The following CFAP43 variants were observed in gnomAD, a reference collection of about 807,000 sequenced individuals.
CFAP43 encodes the protein cilia and flagella associated protein 43, also known as cilia- and flagella-associated protein 43.
A neutral mutation model predicts 218.9 loss-of-function variants in CFAP43; 155 were observed. That is an observed-to-expected ratio of 0.71 (90% CI 0.62 to 0.81). The LOEUF (loss-of-function observed/expected upper bound fraction) is 0.81, where lower values mean the gene tolerates loss of function less well. Ranked by LOEUF, CFAP43 falls within the 30% of genes least tolerant of loss-of-function variation. The pLI, the probability that CFAP43 is intolerant of heterozygous loss-of-function variation, is 0.00. For missense variants in CFAP43, 1,778 were observed against 1,954.3 expected (o/e 0.91, Z 1.70); for synonymous variants, 645 against 681.3 (o/e 0.95, Z 0.83).
intron 34 of CFAP43, among the ~76,000 whole-genome samples, chr10:104,138,287 G>A (rs1320283206): frequency 6.6e-6 from 1 of 152,116 alleles, no homozygotes; most frequent in Non-Finnish European, 1.5e-5. Context: ...ACAGTTGAGG[G>A]ACATTCCACA....
Position 104,232,254 on chromosome 10 carries a change from GT to G in CFAP43, c.-9del. 6.2e-7 allele frequency: 1 copy of G among 1,600,772 alleles called. No homozygotes were observed. On this transcript the variant is annotated 5_prime_UTR_variant, in exon 1 of 38. Coordinates refer to ENST00000357060, the MANE Select transcript of CFAP43 (RefSeq NM_025145.7). ...CTCCCGGCCTTGCGCCATGGGCAGT[GT>G]TTTCCTCAGGCGGGAGCAGGCAGCG...
At position 104,132,194 on chromosome 10, in the gene CFAP43, G is replaced by T. The variant is rs1304394339; in HGVS notation, c.4599C>A (p.Tyr1533Ter). The T allele has an allele frequency of 7.0e-6, 11 of 1,581,900 alleles. No individual in the cohort carries two copies. Among genetic ancestry groups the T allele is most frequent in the African/African-American group, 1.4e-5 (1 of 73,466 alleles). The change falls in exon 36 of 38, where the codon TAC (tyrosine) becomes TAA (stop). Residue 1533 changes from tyrosine to a stop codon, truncating the protein, a stop_gained and splice_region_variant. Transcript: ENST00000357060. LOFTEE classifies it high-confidence loss of function. ...GAGCCTCATAGTTTGGTTCATTTAG[G>T]TACTTTGAGATTAAAAAAAAACATG... ...MLFFSRDRQK[Y>*]LNEPNYEALI...
intron 19 of CFAP43, among the ~76,000 whole-genome samples, chr10:104,174,459 G>A (rs987695410): frequency 2.6e-5 from 4 of 152,126 alleles, no homozygotes; most frequent in Admixed American, 2.6e-4. Context: ...GCATAAGAAA[G>A]ACCCGCCCCC....
At chr10:104,167,494 CAAGA>C (rs942677171) in intron 22 of CFAP43, 123 bp downstream of exon 22, 9 of 605,274 alleles carry the variant, frequency 1.5e-5, no homozygotes, top group Non-Finnish European at 2.3e-5. Context: ...TACAAATTAA[CAAGA>C]AATAAAAATA....
Position 104,167,666 on chromosome 10 carries a change from C to CA in CFAP43, c.2762dup (p.Leu921PhefsTer11). The CA allele has an allele frequency of 6.2e-7, 1 of 1,612,328 alleles. No homozygotes were observed. The highest frequency in any genetic ancestry group is 8.5e-7 in the Non-Finnish European group (1 of 1,179,510). On this transcript the variant is annotated frameshift_variant, in exon 22 of 38. Coordinates refer to ENST00000357060, the MANE Select transcript of CFAP43 (RefSeq NM_025145.7). LOFTEE classifies it high-confidence loss of function. ...TCTTCTTTTGCTGTAAAACTCTTTC[C>CA]AATTCTTTCAGCTCTTCAACCGTGC...
intron 23 of CFAP43, among the ~76,000 whole-genome samples, chr10:104,164,651 G>A (rs923436476): frequency 1.3e-5 from 2 of 152,146 alleles, no homozygotes; most frequent in Non-Finnish European, 2.9e-5. Flanking sequence ...ACCTGCCTCG[G>A]CCTCCCAAAG....
intron 29 of CFAP43, among the ~76,000 whole-genome samples, chr10:104,147,286 G>C (rs1268085291): frequency 6.6e-6 from 1 of 151,306 alleles, no homozygotes; most frequent in Non-Finnish European, 1.5e-5. Flanking sequence ...TAGGCTCTTA[G>C]AAAAAAGTTC....
At chr10:104,182,589 C>T in intron 16 of CFAP43, 76 bp from the exon 17 acceptor site, 1 of 1,344,856 alleles carries the variant, frequency 7.4e-7, no homozygotes. Flanking sequence ...GTATTATTTT[C>T]AGGTAACTAA....
rs1005298256 is a variant in CFAP43 at position 104,133,732 on chromosome 10, T to C, written c.4484A>G (p.Lys1495Arg). ...TTCCCACTCAATCTGAAGTATTCTT[T>C]TGTGTACATCTTTACTTTCCATCAT... ...ASMMESKDVH[K>R]RILQIEWEHK... The change falls in exon 35 of 38, where the codon AAA becomes AGA. Residue 1495 changes from lysine (K) to arginine (R), a missense_variant. Around this residue, in one of 3 missense-constraint regions of CFAP43, gnomAD observed 211 missense variants for 230.6 expected, o/e 0.91. Coordinates refer to ENST00000357060, the MANE Select transcript of CFAP43 (RefSeq NM_025145.7). The C allele has an allele frequency of 1.2e-6, 2 of 1,613,588 alleles. No individual in the cohort carries two copies. The highest frequency in any genetic ancestry group is 1.7e-6 in the Non-Finnish European group (2 of 1,179,846).
At chr10:104,220,960 G>GTA (rs1266402387) in intron 3 of CFAP43, among the ~76,000 whole-genome samples, 1 of 147,750 alleles carries the variant, frequency 6.8e-6, no homozygotes, top group African/African-American at 2.6e-5. Context: ...GTGTGTGTGT[G>GTA]TGTGTGTGTG....
At chr10:104,178,420 T>C (rs945562609) in intron 19 of CFAP43, among the ~76,000 whole-genome samples, 4 of 152,204 alleles carry the variant, frequency 2.6e-5, no homozygotes, top group Admixed American at 2.6e-4. Context: ...AGAAATGTAA[T>C]AATAATATAC....
intron 21 of CFAP43, 88 bp from the exon 22 acceptor site, chr10:104,167,825 T>C: frequency 1.1e-6 from 1 of 920,384 alleles, no homozygotes; most frequent in Non-Finnish European, 1.6e-6. Flanking sequence ...TTTCTGTGAT[T>C]AAAATTAACC....
chr10:104,147,479 C>A (rs1051526024), intron 29 of CFAP43, among the ~76,000 whole-genome samples: 1 of 151,960 alleles, frequency 6.6e-6, no homozygotes, highest in African/African-American at 2.4e-5. Flanking sequence ...TATACGCAAG[C>A]CCATTGCTTA....
Position 104,225,486 on chromosome 10 carries a change from G to C in CFAP43, c.391C>G (p.Leu131Val), listed in dbSNP as rs780370047. ...CGTYLASYSS[L>V]PEFELALWNW... Reference sequence around the variant, plus strand: ...CAAAGGGCCAGTTCAAATTCTGGGAGAGAGGAGTAACTAGCCAGGTAGGTG... The same window carrying C: ...CAAAGGGCCAGTTCAAATTCTGGGACAGAGGAGTAACTAGCCAGGTAGGTG... The change falls in exon 3 of 38, where the codon CTC becomes GTC. Residue 131 changes from leucine (L) to valine (V), a missense_variant. Coordinates refer to ENST00000357060, the MANE Select transcript of CFAP43 (RefSeq NM_025145.7). 2.5e-6 allele frequency: 4 copies of C among 1,612,580 alleles called. No homozygotes were observed. Among genetic ancestry groups the C allele is most frequent in the Admixed American group, 1.7e-5 (1 of 59,928 alleles).
intron 33 of CFAP43, among the ~76,000 whole-genome samples, 173 bp from the exon 34 acceptor site, chr10:104,141,174 G>A (rs994041077): frequency 3.3e-5 from 5 of 152,120 alleles, no homozygotes; most frequent in African/African-American, 1.2e-4. Context: ...TCTTCCTATT[G>A]ATGCAGAATT....
chr10:104,185,163 T>G lies in CFAP43; in HGVS notation c.2011-17A>C, dbSNP rs187646292. On this transcript the variant is annotated splice_polypyrimidine_tract_variant and intron_variant, in intron 15 of 37. Transcript: ENST00000357060. ...AAATGTTTCCTCAATAGTTAAGAAA[T>G]AAACCAGAAAAATTACAAATGCAAT... The G allele has an allele frequency of 1.2e-5, 20 of 1,612,934 alleles. No individual in the cohort carries two copies. In the East Asian group the frequency reaches 4.0e-4, roughly 32 times the overall value.
intron 3 of CFAP43, among the ~76,000 whole-genome samples, chr10:104,224,013 G>A (rs1180950870): frequency 6.6e-6 from 1 of 152,116 alleles, no homozygotes; most frequent in Non-Finnish European, 1.5e-5. Context: ...AGCTCTGAAG[G>A]AACACAAGGA....
At chr10:104,208,103 C>T (rs952612890) in intron 5 of CFAP43, among the ~76,000 whole-genome samples, 1 of 152,158 alleles carries the variant, frequency 6.6e-6, no homozygotes, top group African/African-American at 2.4e-5. Flanking sequence ...GGCAAACCAC[C>T]TTTCCCACTC....
intron 34 of CFAP43, among the ~76,000 whole-genome samples, chr10:104,134,200 C>A (rs1013649754): frequency 1.3e-5 from 2 of 152,114 alleles, no homozygotes. Context: ...GAGTTTGAGA[C>A]CAGCCTAGGC....
Sources: gnomAD v4.1 joint callset for allele counts (sites outside exome capture counted in the v4.1 genomes callset) on GRCh38, gnomAD v4.1.1 for gene constraint, gnomAD v4.1.1 regional missense constraint, MANE v1.5 for transcripts, NCBI Gene and HGNC (gene_info 2026-07-23, HGNC 2026-07-21) for gene names.